The following TEX9 variants were observed in gnomAD, a reference collection of about 807,000 sequenced individuals.
TEX9 encodes testis-expressed protein 9.
A neutral mutation model predicts 59.6 loss-of-function variants in TEX9; 74 were observed. The ratio of observed to expected loss-of-function variants is 1.24; its 90% CI spans 1.03 to 1.51. TEX9 has a LOEUF of 1.51. TEX9 is among the 40% of genes most tolerant of loss of function. The pLI is 0.00. For synonymous variants in TEX9, 186 were observed against 152.2 expected (o/e 1.22, Z -1.64); for missense variants, 522 against 447.8 (o/e 1.17, Z -1.49).
chr15:56,384,172 A>G (rs2047862553), intron 4 of TEX9, 141 bp downstream of exon 4: 4 of 574,614 alleles, frequency 7.0e-6, no homozygotes, highest in Non-Finnish European at 1.2e-5. Flanking sequence ...CCAATCAGAC[A>G]CAGTGCAAGC....
At chr15:56,368,892 A>G (rs546422491) in intron 2 of TEX9, among the ~76,000 whole-genome samples, 1 of 152,220 alleles carries the variant, frequency 6.6e-6, no homozygotes, top group East Asian at 1.9e-4. Context: ...CTATTTTAAA[A>G]TTTCATTAAT....
intron 1 of TEX9, among the ~76,000 whole-genome samples, chr15:56,327,159 A>G (rs1190202408): frequency 6.6e-6 from 1 of 152,176 alleles, no homozygotes; most frequent in Non-Finnish European, 1.5e-5. Flanking sequence ...TATAACATTA[A>G]TTTGTAGTTG....
intron 1 of TEX9, among the ~76,000 whole-genome samples, chr15:56,259,006 G>A (rs2044207497): frequency 6.6e-6 from 1 of 151,476 alleles, no homozygotes; most frequent in Non-Finnish European, 1.5e-5. Context: ...ATGTCTTGCT[G>A]TTTCATCCTC....
At chr15:56,304,578 C>T (rs530304426) in intron 1 of TEX9, among the ~76,000 whole-genome samples, 18 of 152,290 alleles carry the variant, frequency 1.2e-4, no homozygotes, top group Admixed American at 3.3e-4. Context: ...TCCTTGCATT[C>T]ATGGGATAAA....
chr15:56,387,759 T>C (rs989335354), intron 4 of TEX9, among the ~76,000 whole-genome samples: 1 of 151,974 alleles, frequency 6.6e-6, no homozygotes, highest in East Asian at 1.9e-4. Flanking sequence ...CTGTATAGTC[T>C]GTTGTACCTG....
intron 1 of TEX9, chr15:56,323,592 G>T: frequency 8.2e-6 from 1 of 122,690 alleles, no homozygotes; most frequent in South Asian, 1.8e-4. Flanking sequence ...AGAAAAGCCT[G>T]ATGCAGCAAA....
At chr15:56,269,802 C>T (rs1353305526) in intron 1 of TEX9, among the ~76,000 whole-genome samples, 6 of 151,956 alleles carry the variant, frequency 3.9e-5, no homozygotes, top group Non-Finnish European at 4.4e-5. Context: ...TACAGGCGTG[C>T]ACCACCTACA....
intron 2 of TEX9, among the ~76,000 whole-genome samples, chr15:56,370,099 A>C (rs1215787652): frequency 6.6e-6 from 1 of 152,142 alleles, no homozygotes; most frequent in Non-Finnish European, 1.5e-5. Context: ...ACATTATTAC[A>C]TAACTTGAAG....
intron 1 of TEX9, among the ~76,000 whole-genome samples, chr15:56,322,373 A>G (rs2045921489): frequency 6.6e-6 from 1 of 152,128 alleles, no homozygotes; most frequent in Admixed American, 6.5e-5. Flanking sequence ...TTATATGGAG[A>G]AGAAACATTA....
intron 1 of TEX9, among the ~76,000 whole-genome samples, chr15:56,343,073 G>C (rs969071904): frequency 3.3e-5 from 5 of 152,120 alleles, no homozygotes; most frequent in Non-Finnish European, 7.4e-5. Flanking sequence ...GGAGAAAGGA[G>C]TTAGGGCCAT....
intron 10 of TEX9, among the ~76,000 whole-genome samples, chr15:56,422,834 C>T (rs2050048329): frequency 6.6e-6 from 1 of 152,034 alleles, no homozygotes; most frequent in Non-Finnish European, 1.5e-5. Context: ...ACCCTGGCAA[C>T]CACCATTGTA....
At chr15:56,378,860 G>A (rs774679814) in intron 3 of TEX9, among the ~76,000 whole-genome samples, 1 of 152,020 alleles carries the variant, frequency 6.6e-6, no homozygotes, top group Non-Finnish European at 1.5e-5. Flanking sequence ...GAACCCAGAA[G>A]TTTGAGACCA....
At chr15:56,272,698 A>C (rs909703644) in intron 1 of TEX9, among the ~76,000 whole-genome samples, 1 of 152,222 alleles carries the variant, frequency 6.6e-6, no homozygotes, top group African/African-American at 2.4e-5. Flanking sequence ...ACTGTTTCTC[A>C]TAGTGGCTGC....
At chr15:56,310,956 T>C (rs147002825) in intron 1 of TEX9, among the ~76,000 whole-genome samples, 1 of 152,160 alleles carries the variant, frequency 6.6e-6, no homozygotes, top group South Asian at 2.1e-4. Context: ...TGGAAAGTCA[T>C]AGGGAAGGGC....
intron 1 of TEX9, among the ~76,000 whole-genome samples, chr15:56,295,332 AAT>A (rs755168011): frequency 9.2e-5 from 14 of 152,186 alleles, no homozygotes; most frequent in Non-Finnish European, 1.9e-4. Context: ...GGCTATTACT[AAT>A]AGCTATTATA....
At chr15:56,276,628 C>T (rs527420057) in intron 1 of TEX9, among the ~76,000 whole-genome samples, 29 of 152,214 alleles carry the variant, frequency 1.9e-4, no homozygotes, top group African/African-American at 6.7e-4. Context: ...AAAGGTGCTG[C>T]AGTAAACAGA....
At chr15:56,342,447 A>G (rs143024533) in intron 1 of TEX9, among the ~76,000 whole-genome samples, 1 of 152,122 alleles carries the variant, frequency 6.6e-6, no homozygotes, top group Non-Finnish European at 1.5e-5. Context: ...TTGCAACAAG[A>G]AACTTCTATC....
chr15:56,438,701 A>G (rs2050769578), intron 12 of TEX9, among the ~76,000 whole-genome samples: 1 of 152,232 alleles, frequency 6.6e-6, no homozygotes, highest in African/African-American at 2.4e-5. Context: ...ATCAGAGTGA[A>G]CAGCCAACCT....
At chr15:56,388,542 G>T in intron 5 of TEX9, 22 bp downstream of exon 5, 1 of 1,598,596 alleles carries the variant, frequency 6.3e-7, no homozygotes, top group South Asian at 1.1e-5. Flanking sequence ...AACTTTCTGT[G>T]AATGCAATTA....
Sources: gnomAD v4.1 joint callset for allele counts (sites outside exome capture counted in the v4.1 genomes callset) on GRCh38, gnomAD v4.1.1 for gene constraint, MANE v1.5 for transcripts, NCBI Gene and HGNC (gene_info 2026-07-23, HGNC 2026-07-21) for gene names.